CDH12: variants seen among roughly 807,000 people sequenced by gnomAD.
CDH12 encodes cadherin 12.
In CDH12, 41 loss-of-function variants were observed where a neutral mutation model predicts 74.1. The ratio of observed to expected loss-of-function variants is 0.55; its 90% CI spans 0.43 to 0.72. CDH12 has a LOEUF of 0.72. Among genes scored for constraint, CDH12 ranks in the 30% least tolerant of loss-of-function variants. The pLI, the probability that CDH12 is intolerant of heterozygous loss-of-function variation, is 0.00. For synonymous variants in CDH12, 399 were observed against 355.0 expected, an observed-to-expected ratio of 1.12 and a Z score of -1.39; for missense variants, 945 against 977.2, an observed-to-expected ratio of 0.97 and a Z score of 0.44.
chr5:22,011,298 A>C (rs564868499), intron 5 of CDH12, among the ~76,000 whole-genome samples: 2 of 152,302 alleles, frequency 1.3e-5, no homozygotes, highest in South Asian at 4.1e-4. Flanking sequence ...GCTTTTACAA[A>C]ATATCCTTAC....
intron 2 of CDH12, among the ~76,000 whole-genome samples, chr5:22,423,564 A>C (rs1313805241): frequency 6.6e-6 from 1 of 152,200 alleles, no homozygotes; most frequent in Non-Finnish European, 1.5e-5. Context: ...TTGTGTACTT[A>C]GTGTTTGTAC....
chr5:22,749,803 T>G (rs577408649), intron 1 of CDH12, among the ~76,000 whole-genome samples: 1 of 152,326 alleles, frequency 6.6e-6, no homozygotes, highest in East Asian at 1.9e-4. Flanking sequence ...AACTGCAGAC[T>G]TCCCTCCTAC....
At chr5:22,299,245 G>C (rs1384497141) in intron 3 of CDH12, among the ~76,000 whole-genome samples, 1 of 152,130 alleles carries the variant, frequency 6.6e-6, no homozygotes, top group Non-Finnish European at 1.5e-5. Context: ...GTAAGGGAGA[G>C]ATGGGGTGGG....
chr5:22,575,563 TTTTA>T (rs552649746), intron 1 of CDH12, among the ~76,000 whole-genome samples: 2 of 151,978 alleles, frequency 1.3e-5, no homozygotes, highest in African/African-American at 2.4e-5. Context: ...TGGCTAGTTC[TTTTA>T]TTTATTTATT....
intron 1 of CDH12, among the ~76,000 whole-genome samples, chr5:22,714,842 T>A (rs1204863971): frequency 6.6e-6 from 1 of 152,210 alleles, no homozygotes; most frequent in Non-Finnish European, 1.5e-5. Flanking sequence ...TTCTGGGGCT[T>A]AACAACGTAC....
chr5:22,221,098 T>C (rs1751999703), intron 3 of CDH12, among the ~76,000 whole-genome samples: 1 of 151,870 alleles, frequency 6.6e-6, no homozygotes, highest in Admixed American at 6.6e-5. Flanking sequence ...TACTGTTCGA[T>C]GTATTTAGAG....
chr5:22,228,671 T>C (rs1178680258), intron 3 of CDH12, among the ~76,000 whole-genome samples: 2 of 152,120 alleles, frequency 1.3e-5, no homozygotes, highest in Non-Finnish European at 2.9e-5. Flanking sequence ...TCTGTTCTGC[T>C]CTCATTAATG....
At chr5:22,363,573 G>A (rs1335927791) in intron 3 of CDH12, among the ~76,000 whole-genome samples, 7 of 152,140 alleles carry the variant, frequency 4.6e-5, no homozygotes, top group Non-Finnish European at 4.4e-5. Context: ...GTAAAATATT[G>A]ATATTTAATA....
At chr5:22,140,753 ATTTAG>A in intron 4 of CDH12, among the ~76,000 whole-genome samples, 1 of 152,238 alleles carries the variant, frequency 6.6e-6, no homozygotes, top group South Asian at 2.1e-4. Context: ...GTCCCCTTGG[ATTTAG>A]GACACACAGG....
chr5:22,096,975 A>G (rs1743819022), intron 4 of CDH12, among the ~76,000 whole-genome samples: 1 of 152,204 alleles, frequency 6.6e-6, no homozygotes, highest in Non-Finnish European at 1.5e-5. Context: ...GCAGCCAAGT[A>G]GCAACATATT....
chr5:22,698,707 A>AG lies in CDH12; in HGVS notation c.-523+154350_-523+154351insC, dbSNP rs1165211675. Reference sequence around the variant, plus strand: ...TATATATATATATATATATATATATATATATATATATATATATATATATAT... The same window carrying AG: ...TATATATATATATATATATATATATAGTATATATATATATATATATATATAT... On this transcript the variant is annotated intron_variant, in intron 1 of 14. Coordinates refer to ENST00000382254, the MANE Select transcript of CDH12 (RefSeq NM_004061.5). Among the ~76,000 whole-genome samples, 121 of 25,584 alleles carry AG rather than the reference A, an allele frequency of 4.7e-3. 2 individuals carry two copies. Among genetic ancestry groups the AG allele is most frequent in the East Asian group, 9.6e-3 (3 of 314 alleles). 16.8% of individuals were successfully genotyped at this position (25,584 alleles called of 152,430 possible).
chr5:21,852,093 C>T (rs1302393974), intron 7 of CDH12, among the ~76,000 whole-genome samples: 2 of 151,278 alleles, frequency 1.3e-5, no homozygotes, highest in Non-Finnish European at 1.5e-5. Flanking sequence ...TTGCAATTAT[C>T]CTTGATTTTT....
At chr5:22,351,204 T>C (rs1740342312) in intron 3 of CDH12, among the ~76,000 whole-genome samples, 1 of 151,978 alleles carries the variant, frequency 6.6e-6, no homozygotes, top group Non-Finnish European at 1.5e-5. Context: ...ATGAAGAAAA[T>C]ACAGAATAAT....
intron 6 of CDH12, among the ~76,000 whole-genome samples, chr5:21,856,526 A>G (rs910856537): frequency 6.6e-6 from 1 of 151,850 alleles, no homozygotes; most frequent in East Asian, 1.9e-4. Flanking sequence ...AGTGAAAAAC[A>G]TTAATAAAAT....
intron 1 of CDH12, among the ~76,000 whole-genome samples, chr5:22,786,780 G>A (rs77914212): frequency 0.051 from 7,746 of 151,280 alleles, 290 homozygotes; most frequent in South Asian, 0.11. Flanking sequence ...GTGTAATGGC[G>A]TGATCTCAGC....
At chr5:22,722,422 C>T (rs1743947353) in intron 1 of CDH12, among the ~76,000 whole-genome samples, 1 of 152,144 alleles carries the variant, frequency 6.6e-6, no homozygotes, top group South Asian at 2.1e-4. Context: ...GGGACTTAAA[C>T]AATAAAGAAA....
At chr5:22,390,976 G>C (rs938617482) in intron 3 of CDH12, among the ~76,000 whole-genome samples, 1 of 152,168 alleles carries the variant, frequency 6.6e-6, no homozygotes, top group African/African-American at 2.4e-5. Context: ...ATCTGCTTTG[G>C]TTGGGATGAT....
intron 3 of CDH12, among the ~76,000 whole-genome samples, chr5:22,395,934 C>A (rs1028259605): frequency 4.6e-5 from 7 of 152,038 alleles, no homozygotes; most frequent in Non-Finnish European, 1.5e-5. Flanking sequence ...CAGATAGTGC[C>A]TAACTCCCTC....
chr5:22,011,955 C>G (rs1213180197), intron 5 of CDH12, among the ~76,000 whole-genome samples: 1 of 152,034 alleles, frequency 6.6e-6, no homozygotes, highest in Non-Finnish European at 1.5e-5. Context: ...TTAAAAACTA[C>G]TACTAGAGTT....
Sources: allele counts gnomAD v4.1 joint callset (sites outside exome capture counted in the v4.1 genomes callset), GRCh38; gene constraint gnomAD v4.1.1; transcripts MANE v1.5; gene names NCBI Gene and HGNC (gene_info 2026-07-23, HGNC 2026-07-21).